CACNB4: variants seen among roughly 807,000 people sequenced by gnomAD.
CACNB4 encodes calcium voltage-gated channel auxiliary subunit beta 4, also known as voltage-dependent L-type calcium channel subunit beta-4.
Under a neutral mutation model 71.2 loss-of-function variants are expected in CACNB4, and 32 were observed. The observed-to-expected ratio is 0.45, with a 90% CI of 0.34 to 0.60. CACNB4 has a LOEUF of 0.60. Among genes scored for constraint, CACNB4 ranks in the 20% least tolerant of loss-of-function variants. The pLI, the probability that CACNB4 is intolerant of heterozygous loss-of-function variation, is 0.01. For missense variants in CACNB4, 464 were observed against 647.9 expected (o/e 0.72, Z 3.08); for synonymous variants, 231 against 236.9 (o/e 0.97, Z 0.23).
chr2:152,078,259 G>A (rs1251574477), intron 2 of CACNB4, among the ~76,000 whole-genome samples: 2 of 152,176 alleles, frequency 1.3e-5, no homozygotes, highest in Non-Finnish European at 2.9e-5. Flanking sequence ...CCCTGGAGAT[G>A]CCTCTAGAAC....
chr2:151,842,737 C>T (rs946810579), intron 12 of CACNB4, among the ~76,000 whole-genome samples: 19 of 152,052 alleles, frequency 1.2e-4, no homozygotes, highest in Admixed American at 1.2e-3. Context: ...CCATGTATTC[C>T]TATAGAGCTG....
intron 2 of CACNB4, among the ~76,000 whole-genome samples, chr2:151,988,854 G>C (rs559955835): frequency 1.3e-5 from 2 of 152,246 alleles, no homozygotes; most frequent in South Asian, 4.1e-4. Context: ...GGGAGAGGGA[G>C]GCATAAACAT....
At chr2:152,099,160 C>T (rs1330966550), upstream of CACNB4, 2 of 523,856 alleles carry the variant, frequency 3.8e-6, no homozygotes, top group Non-Finnish European at 6.6e-6. Context: ...GCCCGCACTT[C>T]GGAGAGCGCG....
chr2:152,052,039 C>T (rs914412646), intron 2 of CACNB4, among the ~76,000 whole-genome samples: 14 of 152,228 alleles, frequency 9.2e-5, no homozygotes, highest in Admixed American at 9.2e-4. Flanking sequence ...TATTGTAGCA[C>T]ATCATCAGTA....
chr2:151,973,632 A>G, intron 2 of CACNB4: 1 of 1,583,386 alleles, frequency 6.3e-7, no homozygotes, highest in Non-Finnish European at 8.7e-7. Context: ...GAGGAAGAGG[A>G]GGGGAGAGGG....
At chr2:151,996,811 GA>G (rs1682069527) in intron 2 of CACNB4, among the ~76,000 whole-genome samples, 1 of 152,048 alleles carries the variant, frequency 6.6e-6, no homozygotes, top group Non-Finnish European at 1.5e-5. Flanking sequence ...TCTTGCCCAG[GA>G]AACTAAAGAA....
Sources: gnomAD v4.1 joint callset for allele counts (sites outside exome capture counted in the v4.1 genomes callset) on GRCh38, gnomAD v4.1.1 for gene constraint, MANE v1.5 for transcripts, NCBI Gene and HGNC (gene_info 2026-07-23, HGNC 2026-07-21) for gene names.